SGCZ: variants seen among roughly 807,000 people sequenced by gnomAD.
SGCZ encodes sarcoglycan zeta.
Under a neutral mutation model 41.3 loss-of-function variants are expected in SGCZ, and 40 were observed. The observed-to-expected ratio is 0.97, with a 90% CI of 0.75 to 1.26. The LOEUF (loss-of-function observed/expected upper bound fraction) is 1.26, where lower values mean the gene tolerates loss of function less well. Ranked by LOEUF, SGCZ falls within the 50% of genes most tolerant of loss-of-function variation. The pLI is 0.00. For missense variants in SGCZ, 552 were observed against 369.8 expected, an observed-to-expected ratio of 1.49 and a Z score of -4.04; for synonymous variants, 206 against 137.5, an observed-to-expected ratio of 1.50 and a Z score of -3.49.
At chr8:14,764,297 T>C (rs1005241601) in intron 1 of SGCZ, among the ~76,000 whole-genome samples, 1 of 152,224 alleles carries the variant, frequency 6.6e-6, no homozygotes, top group Non-Finnish European at 1.5e-5. Flanking sequence ...AATAGATTGA[T>C]GCAAGAAAGG....
At chr8:14,155,936 A>C (rs1803863189) in intron 5 of SGCZ, among the ~76,000 whole-genome samples, 1 of 152,160 alleles carries the variant, frequency 6.6e-6, no homozygotes, top group South Asian at 2.1e-4. Context: ...AGTCAGCTGT[A>C]ACACAATGTT....
chr8:14,251,965 C>T (rs1369614746), intron 3 of SGCZ, among the ~76,000 whole-genome samples: 3 of 152,138 alleles, frequency 2.0e-5, no homozygotes, highest in Non-Finnish European at 4.4e-5. Flanking sequence ...CCACCTCGAC[C>T]TCCCAAAGTG....
At chr8:14,883,101 C>T (rs917570664) in intron 1 of SGCZ, among the ~76,000 whole-genome samples, 3 of 151,926 alleles carry the variant, frequency 2.0e-5, no homozygotes, top group South Asian at 4.2e-4. Context: ...TTTACATGGT[C>T]TCTTCTCCTG....
chr8:14,217,135 C>T (rs896625115), intron 4 of SGCZ, among the ~76,000 whole-genome samples: 10 of 151,716 alleles, frequency 6.6e-5, no homozygotes, highest in African/African-American at 2.2e-4. Context: ...AAAATACGCA[C>T]ACACACAAAA....
At chr8:15,108,662 G>A (rs1175916599) in intron 1 of SGCZ, among the ~76,000 whole-genome samples, 1 of 152,100 alleles carries the variant, frequency 6.6e-6, no homozygotes, top group Non-Finnish European at 1.5e-5. Flanking sequence ...TGGTGTGTGT[G>A]ACCCATCTCT....
At chr8:14,209,716 T>C (rs895772454) in intron 4 of SGCZ, among the ~76,000 whole-genome samples, 46 of 152,296 alleles carry the variant, frequency 3.0e-4, no homozygotes, top group African/African-American at 1.0e-3. Flanking sequence ...GACATATTTA[T>C]AGAAAAAACT....
At chr8:14,581,104 T>A (rs1271167977) in intron 1 of SGCZ, among the ~76,000 whole-genome samples, 2 of 152,094 alleles carry the variant, frequency 1.3e-5, no homozygotes, top group Non-Finnish European at 2.9e-5. Context: ...TACTAATTTT[T>A]TTTATTTATT....
At chr8:14,817,296 G>T (rs151157870) in intron 1 of SGCZ, among the ~76,000 whole-genome samples, 1 of 152,050 alleles carries the variant, frequency 6.6e-6, no homozygotes, top group African/African-American at 2.4e-5. Flanking sequence ...GTCTTACAGG[G>T]AAAAGGTAAG....
chr8:14,344,752 G>A (rs1364257441), intron 2 of SGCZ, among the ~76,000 whole-genome samples: 1 of 151,952 alleles, frequency 6.6e-6, no homozygotes, highest in African/African-American at 2.4e-5. Context: ...AGTCAATTGT[G>A]GTTTTATACA....
chr8:14,449,642 A>C (rs1800534560), intron 2 of SGCZ, among the ~76,000 whole-genome samples: 1 of 152,130 alleles, frequency 6.6e-6, no homozygotes, highest in African/African-American at 2.4e-5. Flanking sequence ...GAAGCCTTGT[A>C]AGTAGATCTA....
chr8:14,911,064 G>T (rs1799268079), intron 1 of SGCZ, among the ~76,000 whole-genome samples: 1 of 151,978 alleles, frequency 6.6e-6, no homozygotes, highest in African/African-American at 2.4e-5. Context: ...CTGCATATGT[G>T]CTTTACTATT....
intron 5 of SGCZ, among the ~76,000 whole-genome samples, chr8:14,161,841 ATATG>A (rs1252061370): frequency 2.6e-5 from 4 of 152,136 alleles, no homozygotes; most frequent in Admixed American, 1.3e-4. Flanking sequence ...TGAAACACAT[ATATG>A]TATATCTATA....
At chr8:14,390,904 C>T (rs1334638399) in intron 2 of SGCZ, among the ~76,000 whole-genome samples, 3 of 151,992 alleles carry the variant, frequency 2.0e-5, no homozygotes, top group Non-Finnish European at 2.9e-5. Context: ...TTTGACACCA[C>T]TCATGAGAAA....
At position 15,216,680 on chromosome 8, in the gene SGCZ, T is replaced by A. The variant is rs149631210; in HGVS notation, c.39+20905A>T. 1.8e-3 allele frequency among the ~76,000 whole-genome samples: 269 copies of A among 152,278 alleles called. 1 individual carries two copies. Among genetic ancestry groups the A allele is most frequent in the African/African-American group, 6.4e-3 (266 of 41,570 alleles). ...ATATGGAAAGCATCTTGTTACTTTA[T>A]ATTCCTGGAATGGAATCTTCTAAAG... On this transcript the variant is annotated intron_variant, in intron 1 of 7. Transcript: ENST00000382080.
chr8:14,556,514 G>A (rs1318885621), intron 1 of SGCZ, among the ~76,000 whole-genome samples: 1 of 151,866 alleles, frequency 6.6e-6, no homozygotes, highest in Non-Finnish European at 1.5e-5. Flanking sequence ...GTGGTGATTT[G>A]TGAGATTTTT....
chr8:14,603,536 C>T (rs1805657430), intron 1 of SGCZ, among the ~76,000 whole-genome samples: 1 of 151,556 alleles, frequency 6.6e-6, no homozygotes, highest in Admixed American at 6.6e-5. Context: ...AAACTAACAG[C>T]ATTTTATAAA....
chr8:15,039,726 T>A (rs945623655), intron 1 of SGCZ, among the ~76,000 whole-genome samples: 1 of 152,238 alleles, frequency 6.6e-6, no homozygotes, highest in African/African-American at 2.4e-5. Flanking sequence ...ATCTCCCAAC[T>A]GTATGGTGAA....
intron 2 of SGCZ, among the ~76,000 whole-genome samples, chr8:14,541,209 G>C (rs570589370): frequency 2.6e-5 from 4 of 151,766 alleles, no homozygotes; most frequent in African/African-American, 4.8e-5. Flanking sequence ...AGGTATACAC[G>C]TGCCATGGTG....
At chr8:14,112,411 C>A (rs1802404249) in intron 5 of SGCZ, among the ~76,000 whole-genome samples, 1 of 151,940 alleles carries the variant, frequency 6.6e-6, no homozygotes, top group African/African-American at 2.4e-5. Flanking sequence ...AGCCTCCCAG[C>A]CCTATGGCAC....
Sources: gnomAD v4.1 joint callset for allele counts (sites outside exome capture counted in the v4.1 genomes callset) on GRCh38, gnomAD v4.1.1 for gene constraint, MANE v1.5 for transcripts, NCBI Gene and HGNC (gene_info 2026-07-23, HGNC 2026-07-21) for gene names.